Variants in KAZN observed in about 807,000 individuals in gnomAD.
KAZN encodes kazrin, periplakin interacting protein.
In KAZN, 40 loss-of-function variants were observed where a neutral mutation model predicts 87.4. That is an observed-to-expected ratio of 0.46 (90% CI 0.36 to 0.60). The LOEUF is 0.60. Ranked by LOEUF, KAZN falls within the 20% of genes least tolerant of loss-of-function variation. The pLI is 0.00. For synonymous variants in KAZN, 466 were observed against 458.3 expected (o/e 1.02, Z -0.22); for missense variants, 898 against 1,073.9 (o/e 0.84, Z 2.29).
At chr1:14,717,038 C>T (rs1025220555) in intron 1 of KAZN, among the ~76,000 whole-genome samples, 7 of 150,914 alleles carry the variant, frequency 4.6e-5, no homozygotes, top group African/African-American at 1.7e-4. Flanking sequence ...GGCTCCCTTG[C>T]CCATGGAGGG....
chr1:14,968,954 G>A (rs1664742548), intron 2 of KAZN, among the ~76,000 whole-genome samples: 1 of 152,176 alleles, frequency 6.6e-6, no homozygotes, highest in Admixed American at 6.5e-5. Flanking sequence ...TTTCCAAGTG[G>A]CCAACCAGGC....
intron 2 of KAZN, among the ~76,000 whole-genome samples, chr1:14,342,302 T>C (rs959244460): frequency 6.6e-6 from 1 of 152,218 alleles, no homozygotes; most frequent in Non-Finnish European, 1.5e-5. Context: ...AACATACATG[T>C]ACATGTGCCT....
At chr1:13,903,768 G>A (rs1348733703) in intron 1 of KAZN, among the ~76,000 whole-genome samples, 1 of 152,134 alleles carries the variant, frequency 6.6e-6, no homozygotes, top group Non-Finnish European at 1.5e-5. Context: ...GGAGGAAGAC[G>A]GCCACTGCTG....
chr1:14,839,844 G>A (rs1047009527), intron 1 of KAZN, among the ~76,000 whole-genome samples: 12 of 152,294 alleles, frequency 7.9e-5, no homozygotes, highest in African/African-American at 2.9e-4. Context: ...GGCTCTGGAG[G>A]TGCCTCTAAG....
chr1:14,957,281 G>A (rs1048210335), intron 1 of KAZN, among the ~76,000 whole-genome samples: 5 of 152,220 alleles, frequency 3.3e-5, no homozygotes, highest in African/African-American at 1.2e-4. Context: ...TGGGGTCCAG[G>A]AGCACTAGCC....
intron 13 of KAZN, among the ~76,000 whole-genome samples, chr1:15,111,271 T>TTGTTGTTGTTGTTGTTG (rs55891519): frequency 0.012 from 1,732 of 147,582 alleles, 22 homozygotes; most frequent in East Asian, 0.014. Flanking sequence ...GTTGTTGTTG[T>TTGTTGTTGTTGTTGTTG]TTGTTGTTGT....
intron 1 of KAZN, among the ~76,000 whole-genome samples, chr1:13,991,298 G>A (rs1639275008): frequency 6.6e-6 from 1 of 152,040 alleles, no homozygotes; most frequent in African/African-American, 2.4e-5. Context: ...GGGCCTGTTG[G>A]GGTGTGGAGG....
intron 2 of KAZN, among the ~76,000 whole-genome samples, chr1:14,489,736 A>AATAAT (rs1669545932): frequency 1.4e-5 from 2 of 144,514 alleles, no homozygotes; most frequent in Non-Finnish European, 3.0e-5. Context: ...TCTGTCTTAA[A>AATAAT]AATAATAATA....
chr1:14,958,306 A>T (rs573581477), intron 1 of KAZN, among the ~76,000 whole-genome samples: 1 of 151,982 alleles, frequency 6.6e-6, no homozygotes, highest in Non-Finnish European at 1.5e-5. Context: ...GCATAGGTAC[A>T]TGGAGCATTT....
intron 2 of KAZN, among the ~76,000 whole-genome samples, chr1:14,302,725 A>C (rs534303093): frequency 6.6e-6 from 1 of 152,314 alleles, no homozygotes; most frequent in Admixed American, 6.5e-5. Flanking sequence ...AAAAGGCAAA[A>C]GACAGCTACT....
At chr1:14,587,602 G>A (rs180803363) in intron 2 of KAZN, among the ~76,000 whole-genome samples, 1 of 151,866 alleles carries the variant, frequency 6.6e-6, no homozygotes, top group African/African-American at 2.4e-5. Context: ...GAGTGAGAGT[G>A]GGGGGCGGGT....
intron 1 of KAZN, among the ~76,000 whole-genome samples, chr1:14,149,215 C>G (rs1195063440): frequency 6.7e-6 from 1 of 149,578 alleles, no homozygotes; most frequent in Non-Finnish European, 1.5e-5. Context: ...GATTCTCCTG[C>G]CTCAGCCTCC....
At chr1:14,192,148 A>T (rs1318712051) in intron 2 of KAZN, among the ~76,000 whole-genome samples, 5 of 152,164 alleles carry the variant, frequency 3.3e-5, no homozygotes, top group Non-Finnish European at 7.4e-5. Flanking sequence ...CTCCACAGGG[A>T]AATTAAGACA....
chr1:14,519,088 C>T (rs1671444682), intron 2 of KAZN, among the ~76,000 whole-genome samples: 1 of 152,124 alleles, frequency 6.6e-6, no homozygotes, highest in African/African-American at 2.4e-5. Context: ...TAGAAATAAT[C>T]TGTCCCTGAG....
chr1:14,377,691 C>G (rs1661027103), intron 2 of KAZN, among the ~76,000 whole-genome samples: 1 of 152,150 alleles, frequency 6.6e-6, no homozygotes, highest in Non-Finnish European at 1.5e-5. Context: ...ACTGACTTTT[C>G]TAGTATGGAA....
At chr1:14,314,714 A>G (rs1218353244) in intron 2 of KAZN, among the ~76,000 whole-genome samples, 1 of 152,112 alleles carries the variant, frequency 6.6e-6, no homozygotes, top group African/African-American at 2.4e-5. Flanking sequence ...TTTAAAGTGT[A>G]GAGGGTCAGT....
chr1:14,171,605 C>T (rs751514203), intron 1 of KAZN, among the ~76,000 whole-genome samples: 35 of 152,192 alleles, frequency 2.3e-4, no homozygotes, highest in African/African-American at 4.3e-4. Context: ...TTGAGATACA[C>T]GAAAGCAAAG....
intron 2 of KAZN, among the ~76,000 whole-genome samples, chr1:14,318,492 T>TA (rs1232646406): frequency 6.6e-6 from 1 of 152,106 alleles, no homozygotes; most frequent in Non-Finnish European, 1.5e-5. Flanking sequence ...TTCCCTTTGA[T>TA]ACTGGTTTTC....
chr1:15,097,995 A>G (rs1640874407), intron 10 of KAZN, among the ~76,000 whole-genome samples: 1 of 152,118 alleles, frequency 6.6e-6, no homozygotes, highest in Admixed American at 6.5e-5. Flanking sequence ...TGTGTCCCAG[A>G]CCCTGTGTTA....
Sources: allele counts gnomAD v4.1 joint callset (sites outside exome capture counted in the v4.1 genomes callset), GRCh38; gene constraint gnomAD v4.1.1; transcripts MANE v1.5; gene names NCBI Gene and HGNC (gene_info 2026-07-23, HGNC 2026-07-21).